MTMR1: variants seen among roughly 807,000 people sequenced by gnomAD.
MTMR1 encodes phosphatidylinositol-3-phosphate phosphatase MTMR1.
MTMR1 carries 17 observed loss-of-function variants against 51.6 expected under a neutral mutation model. The ratio of observed to expected loss-of-function variants is 0.33; its 90% CI spans 0.23 to 0.49. MTMR1 has a LOEUF of 0.49. Ranked by LOEUF, MTMR1 falls within the 20% of genes least tolerant of loss-of-function variation. MTMR1 has a pLI of 0.99. For missense variants in MTMR1, 386 were observed against 526.9 expected (o/e 0.73, Z 2.62); for synonymous variants, 201 against 205.6 (o/e 0.98, Z 0.19).
intron 2 of MTMR1, among the ~76,000 whole-genome samples, chrX:150,700,476 A>C (rs781815450): frequency 8.9e-6 from 1 of 112,386 alleles, no homozygotes; most frequent in Non-Finnish European, 1.9e-5. Flanking sequence ...TAGAAGAGTG[A>C]CAGTGTATTT....
intron 15 of MTMR1, among the ~76,000 whole-genome samples, chrX:150,760,037 A>G (rs2043047027): frequency 9.1e-6 from 1 of 109,434 alleles, no homozygotes; most frequent in Non-Finnish European, 1.9e-5. Context: ...CAGGAAGTGA[A>G]TCCATTCCAA....
At chrX:150,760,736 C>T (rs782537554) in intron 15 of MTMR1, among the ~76,000 whole-genome samples, 35 of 110,958 alleles carry the variant, frequency 3.2e-4, no homozygotes, top group Non-Finnish European at 6.2e-4. Flanking sequence ...CTAGCCTGGC[C>T]AACATAGTGA....
chrX:150,744,289 T>C, intron 12 of MTMR1, 72 bp from the exon 13 acceptor site: 3 of 868,638 alleles, frequency 3.5e-6, no homozygotes, highest in Non-Finnish European at 5.0e-6. Context: ...TTCTTACCAC[T>C]GGACAACTTA....
chrX:150,729,218 C>CCACA (rs57306023), intron 6 of MTMR1, among the ~76,000 whole-genome samples: 2,387 of 99,975 alleles, frequency 0.024, 64 homozygotes, highest in Admixed American at 0.13. Context: ...ACACACCCAC[C>CCACA]CACACACACA....
At chrX:150,717,583 G>A (rs1020204438) in intron 3 of MTMR1, among the ~76,000 whole-genome samples, 3 of 110,309 alleles carry the variant, frequency 2.7e-5, no homozygotes, top group Admixed American at 9.7e-5. Context: ...AGGAGAAAGT[G>A]ACTGGTTTCC....
At chrX:150,702,174 G>C (rs932337198) in intron 2 of MTMR1, among the ~76,000 whole-genome samples, 1 of 104,563 alleles carries the variant, frequency 9.6e-6, no homozygotes, top group African/African-American at 3.5e-5. Context: ...CTCCCATCTC[G>C]GCCTCCCAAA....
In MTMR1 at chrX:150,718,606, T is replaced by TGCCAGGG; in HGVS notation, c.277-19_277-18insGCCAGGG. 1 of 973,988 alleles carries TGCCAGGG rather than the reference T, an allele frequency of 1.0e-6. No homozygotes were observed. The highest frequency in any genetic ancestry group is 3.0e-5 in the South Asian group (1 of 33,339). 80.3% of individuals were successfully genotyped at this position (973,988 alleles called of 1,213,427 possible). A position where few individuals can be genotyped will look rare whatever the true frequency, so the allele number is the denominator to read the frequency against. ...GTCCTTTTTTTTTTTTTTTTTTTTT[T>TGCCAGGG]TTTTTTTTTTTTTGCCAGGCTCTAA... On this transcript the variant is annotated intron_variant, in intron 3 of 15. Transcript: ENST00000445323.
intron 1 of MTMR1, 147 bp downstream of exon 1, chrX:150,693,823 C>T (rs1471793565): frequency 7.1e-5 from 22 of 309,667 alleles, no homozygotes; most frequent in Non-Finnish European, 9.4e-5. Context: ...GGGCCCTCCT[C>T]CCCCCCACCC....
chrX:150,712,573 G>A (rs1243196919), intron 3 of MTMR1, among the ~76,000 whole-genome samples: 1 of 112,014 alleles, frequency 8.9e-6, no homozygotes, highest in Non-Finnish European at 1.9e-5. Context: ...AAGCCAATGT[G>A]TGTGAGGGCG....
intron 10 of MTMR1, among the ~76,000 whole-genome samples, chrX:150,734,489 A>C (rs1476452741): frequency 8.9e-6 from 1 of 112,392 alleles, no homozygotes; most frequent in Admixed American, 9.4e-5. Flanking sequence ...TAGCTGTGTC[A>C]GTCTTTCTAC....
chrX:150,697,339 T>C (rs954539740), intron 1 of MTMR1, among the ~76,000 whole-genome samples: 5 of 112,067 alleles, frequency 4.5e-5, no homozygotes, highest in Admixed American at 9.4e-5. Flanking sequence ...AGCACAGAAC[T>C]TCAGTTTTCT....
chrX:150,721,084 A>T (rs1557416568), intron 4 of MTMR1, among the ~76,000 whole-genome samples: 1 of 112,134 alleles, frequency 8.9e-6, no homozygotes, highest in Admixed American at 9.4e-5. Flanking sequence ...AACCTATAGT[A>T]TCCTGGGTTA....
Position 150,737,120 on chromosome X carries a change from T to A in MTMR1, c.1267-122T>A. 12 of 584,658 alleles carry A rather than the reference T, an allele frequency of 2.1e-5. No homozygotes were observed. The South Asian group carries it at 3.6e-4, about 18-fold the overall frequency. The allele number at this position is 584,658 out of a possible 1,213,427, so 48.2% of individuals were successfully genotyped here. On this transcript the variant is annotated intron_variant, in intron 11 of 15. Transcript: ENST00000445323. The stretch of plus-strand genomic sequence containing the variant: ...TCCTAGTGATTCTCAGCTGATTGCC[T>A]GCCATTCTTGCTTGGTTTATTGACC...
At chrX:150,715,118 C>T (rs2041455451) in intron 3 of MTMR1, among the ~76,000 whole-genome samples, 2 of 111,981 alleles carry the variant, frequency 1.8e-5, no homozygotes, top group African/African-American at 6.5e-5. Context: ...GCCCCAGGTG[C>T]TCAGCTGCAC....
chrX:150,697,243 T>C (rs1171664876), intron 1 of MTMR1, among the ~76,000 whole-genome samples: 2 of 112,175 alleles, frequency 1.8e-5, no homozygotes, highest in African/African-American at 6.5e-5. Flanking sequence ...TCCTGGCATG[T>C]GATAGGAATT....
chrX:150,707,140 A>G (rs1356461753), intron 2 of MTMR1, among the ~76,000 whole-genome samples: 1 of 112,310 alleles, frequency 8.9e-6, no homozygotes. Flanking sequence ...ACTTAAAAAT[A>G]TAAAACTTTT....
At chrX:150,694,489 C>T (rs891726916) in intron 1 of MTMR1, among the ~76,000 whole-genome samples, 10 of 111,861 alleles carry the variant, frequency 8.9e-5, no homozygotes, top group Non-Finnish European at 1.9e-4. Flanking sequence ...CCAGAGTGCA[C>T]TCAGGCAGCA....
intron 15 of MTMR1, among the ~76,000 whole-genome samples, chrX:150,760,849 T>C (rs1340147112): frequency 9.3e-6 from 1 of 107,888 alleles, no homozygotes; most frequent in Non-Finnish European, 1.9e-5. Context: ...ATCGCTTGAA[T>C]TCGGGAGGCG....
At chrX:150,746,343 C>T (rs1348386596) in intron 13 of MTMR1, among the ~76,000 whole-genome samples, 1 of 111,492 alleles carries the variant, frequency 9.0e-6, no homozygotes, top group Non-Finnish European at 1.9e-5. Context: ...GGGCTGGTCC[C>T]AGAGGTAGGT....
Sources: allele counts gnomAD v4.1 joint callset (sites outside exome capture counted in the v4.1 genomes callset), GRCh38; gene constraint gnomAD v4.1.1; transcripts MANE v1.5; gene names NCBI Gene and HGNC (gene_info 2026-07-23, HGNC 2026-07-21).